Variants in CDK14 observed in about 807,000 individuals in gnomAD.
CDK14 encodes cyclin dependent kinase 14.
CDK14 carries 34 observed loss-of-function variants against 60.7 expected under a neutral mutation model. The ratio of observed to expected loss-of-function variants is 0.56; its 90% confidence interval spans 0.43 to 0.75. CDK14 has a LOEUF of 0.75. Ranked by LOEUF, CDK14 falls within the 30% of genes least tolerant of loss-of-function variation. The pLI is 0.00. For missense variants in CDK14, 482 were observed against 564.1 expected, an observed-to-expected ratio of 0.85 and a Z score of 1.47; for synonymous variants, 197 against 203.7, an observed-to-expected ratio of 0.97 and a Z score of 0.28.
chr7:91,186,411 T>G (rs1562987316), intron 14 of CDK14, among the ~76,000 whole-genome samples: 1 of 150,950 alleles, frequency 6.6e-6, no homozygotes, highest in Non-Finnish European at 1.5e-5. Flanking sequence ...TTTGGGGCTG[T>G]TATGAATAAT....
chr7:90,971,940 A>G (rs1794945276), intron 9 of CDK14, among the ~76,000 whole-genome samples: 1 of 152,170 alleles, frequency 6.6e-6, no homozygotes, highest in Non-Finnish European at 1.5e-5. Flanking sequence ...CCTCCCTCCA[A>G]GTCAGCAGCA....
intron 8 of CDK14, among the ~76,000 whole-genome samples, chr7:90,935,827 T>C (rs1453004501): frequency 6.6e-6 from 1 of 152,152 alleles, no homozygotes; most frequent in Non-Finnish European, 1.5e-5. Flanking sequence ...GGTGGGAAGA[T>C]GGCTTGACTT....
At chr7:90,812,970 T>C (rs1032651378) in intron 5 of CDK14, among the ~76,000 whole-genome samples, 2 of 152,214 alleles carry the variant, frequency 1.3e-5, no homozygotes, top group Admixed American at 1.3e-4. Context: ...TTTACCTAAG[T>C]GTTTCCAGTA....
chr7:91,138,752 C>T (rs1330106093), intron 14 of CDK14, among the ~76,000 whole-genome samples: 2 of 152,038 alleles, frequency 1.3e-5, no homozygotes, highest in African/African-American at 4.8e-5. Flanking sequence ...CTATTTCTTT[C>T]TTTCCCTCTT....
intron 2 of CDK14, among the ~76,000 whole-genome samples, chr7:90,688,290 T>C (rs1458788851): frequency 6.6e-6 from 1 of 152,114 alleles, no homozygotes; most frequent in Non-Finnish European, 1.5e-5. Flanking sequence ...TGAATACGGA[T>C]TTCTAATGGC....
chr7:90,753,344 G>A (rs1194220351), intron 4 of CDK14, among the ~76,000 whole-genome samples: 1 of 152,058 alleles, frequency 6.6e-6, no homozygotes, highest in Admixed American at 6.6e-5. Flanking sequence ...TTCACAAATC[G>A]ATACATGTGC....
intron 10 of CDK14, among the ~76,000 whole-genome samples, chr7:90,992,640 G>C (rs550621660): frequency 4.6e-5 from 7 of 152,172 alleles, no homozygotes; most frequent in African/African-American, 7.2e-5. Flanking sequence ...AAGTTTGTAA[G>C]GGCACCAAAC....
At position 90,602,933 on chromosome 7, in the gene CDK14, C is replaced by G. The variant is rs141329836; in HGVS notation, c.92-1285C>G. 8.5e-4 allele frequency among the ~76,000 whole-genome samples: 130 copies of G among 152,272 alleles called. 2 individuals are homozygous for G. Among genetic ancestry groups the G allele is most frequent in the African/African-American group, 3.0e-3 (124 of 41,558 alleles). On this transcript the variant is annotated intron_variant, in intron 1 of 14. Transcript: ENST00000380050. ...AAATATATGAAACAGAGAAAATAAC[C>G]TTTTCACGATTGTTAGAGTATGTAT...
chr7:90,860,437 T>C (rs530836250), intron 5 of CDK14, among the ~76,000 whole-genome samples: 37 of 152,140 alleles, frequency 2.4e-4, no homozygotes, highest in Admixed American at 5.9e-4. Context: ...TGTGGTATTA[T>C]TTATAAACAT....
At chr7:90,602,560 A>C (rs1251183127) in intron 1 of CDK14, among the ~76,000 whole-genome samples, 2 of 152,218 alleles carry the variant, frequency 1.3e-5, no homozygotes, top group Non-Finnish European at 2.9e-5. Context: ...GTAGCCTAGA[A>C]GTTAAATTCT....
At chr7:90,849,305 T>G (rs1790567876) in intron 5 of CDK14, among the ~76,000 whole-genome samples, 1 of 151,220 alleles carries the variant, frequency 6.6e-6, no homozygotes, top group African/African-American at 2.5e-5. Flanking sequence ...GAAATCTTCC[T>G]GAGGCCTCAC....
chr7:91,133,564 G>A (rs1241792882), intron 14 of CDK14, among the ~76,000 whole-genome samples: 1 of 152,044 alleles, frequency 6.6e-6, no homozygotes, highest in Non-Finnish European at 1.5e-5. Flanking sequence ...CAAGTAACAT[G>A]GAGAAATACA....
intron 2 of CDK14, among the ~76,000 whole-genome samples, chr7:90,667,631 G>A (rs1318119562): frequency 6.6e-6 from 1 of 151,280 alleles, no homozygotes; most frequent in East Asian, 1.9e-4. Context: ...GTACAGTGGC[G>A]CGGTCTCTGC....
At chr7:90,617,989 A>G (rs571941751) in intron 2 of CDK14, among the ~76,000 whole-genome samples, 4 of 152,318 alleles carry the variant, frequency 2.6e-5, no homozygotes, top group South Asian at 2.1e-4. Context: ...ACATCTTTCA[A>G]TGGGTGTAAA....
At chr7:90,685,679 G>A (rs1164776528) in intron 2 of CDK14, among the ~76,000 whole-genome samples, 1 of 88,848 alleles carries the variant, frequency 1.1e-5, no homozygotes, top group African/African-American at 4.3e-5. Flanking sequence ...TTTTTTTGTA[G>A]AGATGAGGTC....
At chr7:90,806,601 G>A (rs564613824) in intron 5 of CDK14, among the ~76,000 whole-genome samples, 51 of 152,324 alleles carry the variant, frequency 3.3e-4, no homozygotes, top group African/African-American at 1.1e-3. Flanking sequence ...ATCTCACTGG[G>A]AAGTGTTGGA....
At chr7:90,859,181 G>A (rs1790924780) in intron 5 of CDK14, among the ~76,000 whole-genome samples, 1 of 152,152 alleles carries the variant, frequency 6.6e-6, no homozygotes, top group Non-Finnish European at 1.5e-5. Flanking sequence ...GTTCCGGAGG[G>A]AACACCCTTC....
At chr7:91,166,837 C>T (rs556648755) in intron 14 of CDK14, among the ~76,000 whole-genome samples, 1 of 152,306 alleles carries the variant, frequency 6.6e-6, no homozygotes, top group East Asian at 1.9e-4. Flanking sequence ...AGTCTCTGTG[C>T]TCTTGGGCCT....
At chr7:90,719,306 T>TG (rs1291952963) in intron 2 of CDK14, among the ~76,000 whole-genome samples, 4 of 152,074 alleles carry the variant, frequency 2.6e-5, no homozygotes, top group South Asian at 4.2e-4. Context: ...CAACTAACAG[T>TG]GTGGAGTGAA....
Sources: gnomAD v4.1 joint callset for allele counts (sites outside exome capture counted in the v4.1 genomes callset) on GRCh38, gnomAD v4.1.1 for gene constraint, MANE v1.5 for transcripts, NCBI Gene and HGNC (gene_info 2026-07-23, HGNC 2026-07-21) for gene names.